The following SPAG16 variants were observed in gnomAD, a reference collection of about 807,000 sequenced individuals.
SPAG16 encodes the protein sperm associated antigen 16, also known as sperm-associated antigen 16 protein.
In SPAG16, 86 loss-of-function variants were observed where a neutral mutation model predicts 80.4. The observed-to-expected ratio is 1.07, with a 90% CI of 0.90 to 1.28. The LOEUF is 1.28. Ranked by LOEUF, SPAG16 falls within the 50% of genes most tolerant of loss-of-function variation. The probability of loss-of-function intolerance (pLI) is 0.00; values close to 1 mark genes in which losing one functional copy is unlikely to be tolerated. For missense variants in SPAG16, 870 were observed against 765.3 expected (o/e 1.14, Z -1.61); for synonymous variants, 294 against 265.9 (o/e 1.11, Z -1.03).
chr2:213,615,672 A>C (rs2061570061), intron 10 of SPAG16, among the ~76,000 whole-genome samples: 1 of 152,216 alleles, frequency 6.6e-6, no homozygotes, highest in Non-Finnish European at 1.5e-5. Context: ...ATTAACTTAA[A>C]TTAACCTGAT....
chr2:213,413,459 A>G (rs764385974), intron 9 of SPAG16, among the ~76,000 whole-genome samples: 1 of 152,176 alleles, frequency 6.6e-6, no homozygotes, highest in Non-Finnish European at 1.5e-5. Context: ...TGAGCATCTC[A>G]TCATGTGCTA....
intron 10 of SPAG16, among the ~76,000 whole-genome samples, chr2:213,702,622 C>G (rs920452688): frequency 1.3e-5 from 2 of 152,234 alleles, no homozygotes; most frequent in South Asian, 4.1e-4. Context: ...TTTAATTTTT[C>G]AAAATTATTT....
chr2:213,844,555 T>C (rs961845565), intron 10 of SPAG16, among the ~76,000 whole-genome samples: 2 of 152,156 alleles, frequency 1.3e-5, no homozygotes, highest in Non-Finnish European at 2.9e-5. Flanking sequence ...GAAGGCAAAA[T>C]TAAATACTTC....
At chr2:214,224,157 T>A (rs187107218) in intron 15 of SPAG16, among the ~76,000 whole-genome samples, 26 of 152,300 alleles carry the variant, frequency 1.7e-4, no homozygotes, top group African/African-American at 6.0e-4. Flanking sequence ...TGGAAAACCA[T>A]TCAAACAATG....
intron 10 of SPAG16, among the ~76,000 whole-genome samples, chr2:213,809,112 C>T (rs1013322255): frequency 6.6e-6 from 1 of 152,148 alleles, no homozygotes; most frequent in Admixed American, 6.5e-5. Context: ...AATACCTCAC[C>T]TCTGTGTGTC....
At position 213,524,051 on chromosome 2, in the gene SPAG16, A is replaced by G. The variant is rs142030271; in HGVS notation, c.1070+33961A>G. ...TAGCAGCCCCTCTCATCTCAGGCCCAGAGACTTAGGATGAAAAAATTGTTT... is the reference window on the plus strand; with the variant it reads ...TAGCAGCCCCTCTCATCTCAGGCCCGGAGACTTAGGATGAAAAAATTGTTT... On this transcript the variant is annotated intron_variant, in intron 10 of 15. Transcript: ENST00000331683. Among the ~76,000 whole-genome samples, 120 of 152,314 alleles carry G rather than the reference A, an allele frequency of 7.9e-4. 2 individuals carry two copies. The highest frequency in any genetic ancestry group is 3.4e-3 in the Middle Eastern group (1 of 294).
intron 1 of SPAG16, among the ~76,000 whole-genome samples, chr2:213,294,168 A>C (rs912060409): frequency 6.6e-6 from 1 of 152,174 alleles, no homozygotes; most frequent in Non-Finnish European, 1.5e-5. Context: ...CATATAAGTG[A>C]GACTATGCAG....
At chr2:214,208,954 A>G (rs527398368) in intron 15 of SPAG16, among the ~76,000 whole-genome samples, 6 of 152,122 alleles carry the variant, frequency 3.9e-5, no homozygotes, top group Non-Finnish European at 8.8e-5. Context: ...TTTTGTTTTT[A>G]TGGTTACGGG....
chr2:213,799,873 A>T (rs1053715778), intron 10 of SPAG16, among the ~76,000 whole-genome samples: 3 of 152,068 alleles, frequency 2.0e-5, no homozygotes, highest in Non-Finnish European at 4.4e-5. Context: ...TAACAACAAC[A>T]AAATCAGCAA....
intron 5 of SPAG16, among the ~76,000 whole-genome samples, chr2:213,335,932 C>T (rs759685661): frequency 2.1e-5 from 3 of 142,106 alleles, no homozygotes; most frequent in African/African-American, 5.3e-5. Context: ...AGAAACAGCT[C>T]CACTCTGTGG....
rs773630166 is a variant in SPAG16, at chr2:213,297,261, G to C, written c.184-1G>C. 1.4e-5 allele frequency: 23 copies of C among 1,606,412 alleles called. No individual in the cohort carries two copies. The South Asian group carries it at 2.1e-4, about 15-fold the overall frequency. Reference sequence around the variant, plus strand: ...TATCCTTCTCTTTCTCTGTGATCTAGATACCAGATGACAATTTTAGCATCC... The same window carrying C: ...TATCCTTCTCTTTCTCTGTGATCTACATACCAGATGACAATTTTAGCATCC... On this transcript the variant is annotated splice_acceptor_variant, in intron 2 of 15. Coordinates refer to ENST00000331683, the MANE Select transcript of SPAG16 (RefSeq NM_024532.5). LOFTEE classifies it high-confidence loss of function.
chr2:213,398,638 CTT>C (rs1439426204), intron 9 of SPAG16, among the ~76,000 whole-genome samples: 15 of 152,128 alleles, frequency 9.9e-5, no homozygotes, highest in Admixed American at 9.8e-4. Flanking sequence ...TTCAGAGAGA[CTT>C]TTCATAGCCA....
rs552442625 is a variant in SPAG16, at chr2:213,635,066, C to A, written c.1070+144976C>A. 6.7e-5 allele frequency among the ~76,000 whole-genome samples: 10 copies of A among 149,084 alleles called. 1 individual carries two copies. Among genetic ancestry groups the A allele is most frequent in the South Asian group, 4.2e-4 (2 of 4,744 alleles). On this transcript the variant is annotated intron_variant, in intron 10 of 15. Coordinates refer to ENST00000331683, the MANE Select transcript of SPAG16 (RefSeq NM_024532.5). ...TTTTTTTTTTTTTGAGACAGAGTCT[C>A]GCTTTGTTGCCCAGGCTGGGGTGCA...
chr2:214,236,520 C>T lies in SPAG16; in HGVS notation c.1720+87254C>T, dbSNP rs980481848. 8.6e-5 allele frequency among the ~76,000 whole-genome samples: 13 copies of T among 151,922 alleles called. No homozygotes were observed. In the Middle Eastern group the frequency reaches 0.01, roughly 119 times the overall value. ...TACAAAAATTAGCCGGGCATGGGGG[C>T]GGGCACCTGTAATCCCAGCTACTCG... On this transcript the variant is annotated intron_variant, in intron 15 of 15. Coordinates refer to ENST00000331683, the MANE Select transcript of SPAG16 (RefSeq NM_024532.5).
intron 15 of SPAG16, among the ~76,000 whole-genome samples, chr2:214,352,565 T>TGTGTGTGTGTGTGTGA (rs375089345): frequency 4.6e-5 from 3 of 64,732 alleles, no homozygotes; most frequent in African/African-American, 8.5e-5. Flanking sequence ...TCTCTGTGTG[T>TGTGTGTGTGTGTGTGA]GTGTGTGTGT....
At position 214,229,472 on chromosome 2, in the gene SPAG16, T is replaced by TA. The variant is rs1559142414; in HGVS notation, c.1720+80206_1720+80207insA. On this transcript the variant is annotated intron_variant, in intron 15 of 15. Transcript: ENST00000331683. Reference sequence around the variant, plus strand: ...AAGGGCTATTGTCTGTATATTATATTTATATGTATGTGTATATATATTTAT... The same window carrying TA: ...AAGGGCTATTGTCTGTATATTATATTATATATGTATGTGTATATATATTTAT... Among the ~76,000 whole-genome samples the TA allele has an allele frequency of 1.3e-3, 199 of 151,814 alleles. 2 individuals are homozygous for TA. The highest frequency in any genetic ancestry group is 4.2e-3 in the African/African-American group (174 of 41,472).
chr2:213,904,599 G>GC (rs2077357771), intron 11 of SPAG16, among the ~76,000 whole-genome samples: 1 of 18,842 alleles, frequency 5.3e-5, no homozygotes, highest in African/African-American at 2.3e-4. Flanking sequence ...GATAAATTTT[G>GC]CAAAAAAAAA....
chr2:213,478,204 G>A (rs1208392864), intron 9 of SPAG16, among the ~76,000 whole-genome samples: 2 of 152,092 alleles, frequency 1.3e-5, no homozygotes. Flanking sequence ...CCCAGTCTTG[G>A]GTATTTCTTC....
chr2:213,596,661 A>C (rs1041635595), intron 10 of SPAG16, among the ~76,000 whole-genome samples: 1 of 152,190 alleles, frequency 6.6e-6, no homozygotes, highest in East Asian at 1.9e-4. Flanking sequence ...GTGAAACTCT[A>C]TAATCCTAGT....
Sources: gnomAD v4.1 joint callset for allele counts (sites outside exome capture counted in the v4.1 genomes callset) on GRCh38, gnomAD v4.1.1 for gene constraint, MANE v1.5 for transcripts, NCBI Gene and HGNC (gene_info 2026-07-23, HGNC 2026-07-21) for gene names.